Variants in RDH13 observed in about 807,000 individuals in gnomAD.
RDH13 encodes retinol dehydrogenase 13.
Under a neutral mutation model 28.3 loss-of-function variants are expected in RDH13, and 35 were observed. That is an observed-to-expected ratio of 1.24 (90% CI 0.95 to 1.64). RDH13 has a LOEUF of 1.64. Ranked by LOEUF, RDH13 falls within the 40% of genes most tolerant of loss-of-function variation. RDH13 has a pLI of 0.00. For synonymous variants in RDH13, 229 were observed against 198.5 expected (o/e 1.15, Z -1.29); for missense variants, 514 against 446.3 (o/e 1.15, Z -1.37).
At chr19:55,041,762 T>C (rs1254358592), downstream of RDH13, 1 of 152,142 alleles carries the variant, frequency 6.6e-6, no homozygotes, top group Non-Finnish European at 1.5e-5. Flanking sequence ...GTTCACGGGC[T>C]GTGTTTATCC....
intron 3 of RDH13, among the ~76,000 whole-genome samples, chr19:55,051,574 T>G (rs2075436117): frequency 6.6e-6 from 1 of 151,554 alleles, no homozygotes; most frequent in Non-Finnish European, 1.5e-5. Flanking sequence ...GGATTACAGG[T>G]GCCCGCCACC....
intron 3 of RDH13, among the ~76,000 whole-genome samples, chr19:55,049,482 C>A (rs1016162385): frequency 8.5e-5 from 13 of 152,272 alleles, no homozygotes; most frequent in African/African-American, 3.1e-4. Context: ...GTGCCACAGA[C>A]AGGTGGTTTA....
In RDH13 at chr19:55,045,458, CT is replaced by C. The variant is rs553101250; in HGVS notation, c.761-150del. 307 of 611,536 alleles carry C rather than the reference CT, an allele frequency of 5.0e-4. 1 individual carries two copies. The African/African-American group carries it at 5.3e-3, about 10-fold the overall frequency. 37.9% of individuals were successfully genotyped at this position (611,536 alleles called of 1,614,324 possible). On this transcript the variant is annotated intron_variant, in intron 6 of 6. Transcript: ENST00000415061. ...CTTGGCTGCCTCCATCTGCAGTTCC[CT>C]TCCCTGGCACTGCCCAGGCAAATCC...
chr19:55,059,317 C>G (rs762070711), intron 1 of RDH13, 42 bp from the exon 2 acceptor site: 4 of 1,352,550 alleles, frequency 3.0e-6, no homozygotes, highest in Non-Finnish European at 4.1e-6. Flanking sequence ...TGGGCCCACT[C>G]TCACCCCACG....
chr19:55,048,835 C>T lies in RDH13; in HGVS notation c.341-72G>A, dbSNP rs1376747930. ...CCAGCCTGATGCACCAGCAGAAACACTCCTGTGCTCCCACAACCTGTGAAT... is the reference window on the plus strand; with the variant it reads ...CCAGCCTGATGCACCAGCAGAAACATTCCTGTGCTCCCACAACCTGTGAAT... On this transcript the variant is annotated intron_variant, in intron 3 of 6. Coordinates refer to ENST00000415061, the MANE Select transcript of RDH13 (RefSeq NM_001145971.2). The T allele has an allele frequency of 3.1e-6, 4 of 1,279,896 alleles. No individual in the cohort carries two copies. The African/African-American group carries it at 5.9e-5, about 19-fold the overall frequency. The allele number at this position is 1,279,896 out of a possible 1,614,324, so 79.3% of individuals were successfully genotyped here. A position where few individuals can be genotyped will look rare whatever the true frequency, so the allele number is the denominator to read the frequency against.
intron 3 of RDH13, among the ~76,000 whole-genome samples, chr19:55,052,961 T>G (rs2075504902): frequency 7.5e-6 from 1 of 133,008 alleles, no homozygotes; most frequent in Non-Finnish European, 1.7e-5. Flanking sequence ...CACGCCTGCC[T>G]GATTGTTTTG....
At chr19:55,054,735 ATT>A (rs61279685) in intron 3 of RDH13, among the ~76,000 whole-genome samples, 1 of 147,614 alleles carries the variant, frequency 6.8e-6, no homozygotes, top group Non-Finnish European at 1.5e-5. Flanking sequence ...TGCCCGGCTA[ATT>A]TTTTTTTTTT....
In RDH13 at chr19:55,045,146, C is replaced by A. The variant is rs377453163; in HGVS notation, c.924G>T (p.Arg308Ser). 4 of 1,613,610 alleles carry A rather than the reference C, an allele frequency of 2.5e-6. No individual in the cohort carries two copies. Among genetic ancestry groups the A allele is most frequent in the African/African-American group, 2.7e-5 (2 of 74,956 alleles). Reference sequence around the variant, plus strand: ...CCAGGCGGGCACTTTCAGCCCAAAGCCTCCGGGCCACCTCCTCATCCTCAG... The same window carrying A: ...CCAGGCGGGCACTTTCAGCCCAAAGACTCCGGGCCACCTCCTCATCCTCAG... ...PEAEDEEVAR[R>S]LWAESARLVG... Residue 308 changes from arginine (R) to serine (S), a missense_variant, in exon 7 of 7, where the codon AGG becomes AGT. Physicochemically the swap from Arg to Ser is moderately radical, Grantham distance 110 (BLOSUM62 -1). Transcript: ENST00000415061.
chr19:55,057,426 C>T (rs1296016925), intron 2 of RDH13, among the ~76,000 whole-genome samples: 2 of 137,964 alleles, frequency 1.4e-5, no homozygotes, highest in East Asian at 4.7e-4. Context: ...GAGGATTCCC[C>T]ATCCTCTCCT....
Position 55,052,501 on chromosome 19 carries a change from G to A in RDH13, c.341-3738C>T, listed in dbSNP as rs1257098036. On this transcript the variant is annotated intron_variant, in intron 3 of 6. Coordinates refer to ENST00000415061, the MANE Select transcript of RDH13 (RefSeq NM_001145971.2). Reference sequence around the variant, plus strand: ...GGAGGATGCCGTGAGCCAAGATCCCGTCATTGCACCAGCCTGGGCAACAAG... The same window carrying A: ...GGAGGATGCCGTGAGCCAAGATCCCATCATTGCACCAGCCTGGGCAACAAG... 6.1e-5 allele frequency among the ~76,000 whole-genome samples: 9 copies of A among 148,458 alleles called. No homozygotes were observed. The South Asian group carries it at 6.5e-4, about 11-fold the overall frequency.
upstream of RDH13, among the ~76,000 whole-genome samples, chr19:55,065,067 G>A (rs959559681): frequency 2.7e-5 from 4 of 150,526 alleles, no homozygotes; most frequent in African/African-American, 9.7e-5. Context: ...TTTACTTTAT[G>A]CATAGTTTAC....
downstream of RDH13, chr19:55,041,717 C>T (rs1471880942): frequency 2.0e-5 from 3 of 152,228 alleles, no homozygotes; most frequent in Non-Finnish European, 4.4e-5. Context: ...GTGACGACTC[C>T]GCGGCAGGCA....
chr19:55,059,689 G>A (rs541613847), intron 1 of RDH13, among the ~76,000 whole-genome samples: 1 of 152,310 alleles, frequency 6.6e-6, no homozygotes, highest in East Asian at 1.9e-4. Context: ...TTAGCCAGAT[G>A]TGTAGGGAAA....
intron 6 of RDH13, 70 bp downstream of exon 6, chr19:55,047,317 C>CT: frequency 6.4e-7 from 1 of 1,564,482 alleles, no homozygotes; most frequent in Non-Finnish European, 8.6e-7. Context: ...AGGGAGGGTC[C>CT]TGGGCCCTGG....
At chr19:55,049,514 G>C (rs1460771024) in intron 3 of RDH13, among the ~76,000 whole-genome samples, 1 of 152,168 alleles carries the variant, frequency 6.6e-6, no homozygotes, top group African/African-American at 2.4e-5. Context: ...ACCTGGCCGG[G>C]CACAGTGGCT....
chr19:55,043,715 T>C (rs752261688), downstream of RDH13, among the ~76,000 whole-genome samples: 2 of 152,140 alleles, frequency 1.3e-5, no homozygotes, highest in Non-Finnish European at 2.9e-5. Flanking sequence ...GCCTCCCCAG[T>C]ATCTCAAATA....
At chr19:55,040,463 G>T (rs2074999636), downstream of RDH13, 1 of 152,236 alleles carries the variant, frequency 6.6e-6, no homozygotes, top group Non-Finnish European at 1.5e-5. Flanking sequence ...CCGTTGACTT[G>T]TATGTGCACT....
Position 55,045,302 on chromosome 19 carries a change from G to A in RDH13, c.768C>T (p.Ile256=), listed in dbSNP as rs2075182732. ...STFSSTTLGP[I]FWLLVKSPEL... is the part of the protein sequence containing the mutation. ...CGGGGCTCTTGACCAGCAGCCAGAA[G>A]ATGGGCCCTGCAATCAGCCCACAGG... The change falls in exon 7 of 7, where the codon ATC becomes ATT. Residue 256 remains isoleucine, a synonymous_variant. Transcript: ENST00000415061. The A allele has an allele frequency of 6.2e-7, 1 of 1,611,556 alleles. No homozygotes were observed.
rs2075183058 is a variant in RDH13 at position 55,045,310 on chromosome 19, C to G, written c.761-1G>C. On this transcript the variant is annotated splice_acceptor_variant, in intron 6 of 6. Coordinates refer to ENST00000415061, the MANE Select transcript of RDH13 (RefSeq NM_001145971.2). LOFTEE classifies it high-confidence loss of function. ...TTGACCAGCAGCCAGAAGATGGGCC[C>G]TGCAATCAGCCCACAGGGCATTTAG... The G allele has an allele frequency of 6.2e-7, 1 of 1,609,944 alleles. No individual in the cohort carries two copies. The highest frequency in any genetic ancestry group is 8.5e-7 in the Non-Finnish European group (1 of 1,178,372).
Sources: allele counts gnomAD v4.1 joint callset (sites outside exome capture counted in the v4.1 genomes callset), GRCh38; gene constraint gnomAD v4.1.1; transcripts MANE v1.5; gene names NCBI Gene and HGNC (gene_info 2026-07-23, HGNC 2026-07-21).